The following ZNF160 variants were observed in gnomAD, a reference collection of about 807,000 sequenced individuals.
ZNF160 encodes zinc finger protein 160.
A neutral mutation model predicts 13.1 loss-of-function variants in ZNF160; 9 were observed. That is an observed-to-expected ratio of 0.69 (90% CI 0.41 to 1.20). ZNF160 has a LOEUF of 1.20. ZNF160 is among the 50% of genes most tolerant of loss of function. The pLI, the probability that ZNF160 is intolerant of heterozygous loss-of-function variation, is 0.01. For missense variants in ZNF160, 838 were observed against 988.0 expected (o/e 0.85, Z 2.04); for synonymous variants, 293 against 333.2 (o/e 0.88, Z 1.31).
intron 1 of ZNF160, among the ~76,000 whole-genome samples, chr19:53,099,739 T>A (rs2085375628): frequency 6.6e-6 from 1 of 152,186 alleles, no homozygotes; most frequent in Non-Finnish European, 1.5e-5. Flanking sequence ...GTACACCCAA[T>A]TCTGCCAAAC....
Position 53,100,465 on chromosome 19 carries a change from C to T in ZNF160, c.-354+2800G>A, listed in dbSNP as rs528987196. 1.4e-4 allele frequency among the ~76,000 whole-genome samples: 22 copies of T among 152,070 alleles called. No individual in the cohort carries two copies. The South Asian group carries it at 4.4e-3, about 30-fold the overall frequency. On this transcript the variant is annotated intron_variant, in intron 1 of 5. Transcript: ENST00000683776. ...CTCTACTAAAAATACAAAAAATTTG[C>T]CGGGCGTGGTGGCGGCTGCCTGTAG...
chr19:53,077,753 A>G (rs565650986), intron 3 of ZNF160, among the ~76,000 whole-genome samples: 1 of 151,514 alleles, frequency 6.6e-6, no homozygotes, highest in African/African-American at 2.4e-5. Flanking sequence ...GTAATACTAA[A>G]GAAGCAGATA....
In ZNF160 at chr19:53,075,196, A is replaced by G. The variant is rs368227551; in HGVS notation, c.16-13T>C. 5 of 1,612,886 alleles carry G rather than the reference A, an allele frequency of 3.1e-6. No individual in the cohort carries two copies. In the African/African-American group the frequency reaches 5.3e-5, roughly 17 times the overall value. On this transcript the variant is annotated splice_polypyrimidine_tract_variant and intron_variant, in intron 3 of 5. Transcript: ENST00000683776. Reference sequence around the variant, plus strand: ...ATGTCAACCGTACCTAAAATGAAAAACACATTTCACCAAGTGGCTAAGGGG... The same window carrying G: ...ATGTCAACCGTACCTAAAATGAAAAGCACATTTCACCAAGTGGCTAAGGGG...
chr19:53,068,270 T>A lies in ZNF160; in HGVS notation c.2264A>T (p.His755Leu). 2 of 1,614,118 alleles carry A rather than the reference T, an allele frequency of 1.2e-6. No individual in the cohort carries two copies. Among genetic ancestry groups the A allele is most frequent in the Non-Finnish European group, 1.7e-6 (2 of 1,179,980 alleles). ...NAHLANHRRI[H>L]TGEKPYRCTE... is the part of the protein sequence containing the mutation. ...ACACCTGTAAGGTTTCTCCCCAGTA[T>A]GAATTCTTCGGTGATTTGCCAGGTG... Residue 755 changes from histidine to leucine, a missense_variant, in exon 6 of 6, where the codon CAT becomes CTT. Transcript: ENST00000683776.
intron 1 of ZNF160, among the ~76,000 whole-genome samples, chr19:53,095,984 G>A (rs985186921): frequency 2.6e-5 from 4 of 152,154 alleles, no homozygotes; most frequent in Admixed American, 6.5e-5. Flanking sequence ...TTGGGAGGCC[G>A]AGGTGGGCAG....
chr19:53,069,798 G>C lies in ZNF160; in HGVS notation c.736C>G (p.Gln246Glu). 3 of 1,614,154 alleles carry C rather than the reference G, an allele frequency of 1.9e-6. 1 individual carries two copies. The highest frequency in any genetic ancestry group is 2.2e-5 in the East Asian group (1 of 44,878). The change falls in exon 6 of 6, where the codon CAA becomes GAA. Residue 246 changes from glutamine (Q) to glutamate (E), a missense_variant. Coordinates refer to ENST00000683776, the MANE Select transcript of ZNF160 (RefSeq NM_001322131.2). This position sits in a 1 kb window ranked among gnomAD's most constrained non-coding sequence, Gnocchi z 4.4. ...CCACAACTGTTTGCTTTTCGTCTTT[G>C]TGTGAGTAATGAAAAATGGTTAAGT... ...HELNHFSLLTQRRKANSCGKP... is the reference protein window; with the variant it reads ...HELNHFSLLTERRKANSCGKP...
At chr19:53,087,236 G>A (rs2084870764) in intron 2 of ZNF160, among the ~76,000 whole-genome samples, 1 of 152,192 alleles carries the variant, frequency 6.6e-6, no homozygotes, top group African/African-American at 2.4e-5. Flanking sequence ...GGGGCTGGGA[G>A]GACACAGGAA....
At chr19:53,082,631 C>T (rs78559325) in intron 3 of ZNF160, among the ~76,000 whole-genome samples, 13,653 of 152,296 alleles carry the variant, frequency 0.09, 743 homozygotes, top group South Asian at 0.14. Flanking sequence ...GATCACACGA[C>T]TGGACTCCAG....
chr19:53,090,431 T>A (rs1333397311), intron 2 of ZNF160, among the ~76,000 whole-genome samples: 1 of 152,210 alleles, frequency 6.6e-6, no homozygotes, highest in Non-Finnish European at 1.5e-5. Flanking sequence ...TTCTCACCCG[T>A]CCTTCTCACT....
In ZNF160 at chr19:53,086,269, A is replaced by G; in HGVS notation, c.8T>C (p.Leu3Pro). 6.3e-7 allele frequency: 1 copy of G among 1,590,714 alleles called. No individual in the cohort carries two copies. The highest frequency in any genetic ancestry group is 8.6e-7 in the Non-Finnish European group (1 of 1,169,366). Residue 3 changes from leucine (L) to proline (P), a missense_variant, in exon 3 of 6, where the codon CTT (leucine) becomes CCT (proline). Coordinates refer to ENST00000683776, the MANE Select transcript of ZNF160 (RefSeq NM_001322131.2). ...CCAGGAGTATCACTTTACCTGAGTA[A>G]GGGCCATCCCTGACTCCTTTTCTTT... Reference protein sequence around the residue: MALTQVRLTFRDV... With the variant: MAPTQVRLTFRDV...
At chr19:53,079,763 C>T (rs555517027) in intron 3 of ZNF160, among the ~76,000 whole-genome samples, 1 of 148,254 alleles carries the variant, frequency 6.7e-6, no homozygotes, top group African/African-American at 2.4e-5. Flanking sequence ...CTAGCCAGAG[C>T]AATCAGGCGA....
At chr19:53,077,583 C>CA (rs2084442543) in intron 3 of ZNF160, among the ~76,000 whole-genome samples, 2 of 149,844 alleles carry the variant, frequency 1.3e-5, no homozygotes, top group African/African-American at 4.9e-5. Flanking sequence ...GACAGAGAAT[C>CA]GCTTGAACCC....
chr19:53,067,904 T>C lies in ZNF160; in HGVS notation c.*173A>G, dbSNP rs931700197. The C allele has an allele frequency of 6.3e-5, 56 of 887,078 alleles. No individual in the cohort carries two copies. Among genetic ancestry groups the C allele is most frequent in the African/African-American group, 1.5e-4 (9 of 59,692 alleles). The allele number at this position is 887,078 out of a possible 1,614,324, so 55.0% of individuals were successfully genotyped here. A position where few individuals can be genotyped will look rare whatever the true frequency, so the allele number is the denominator to read the frequency against. ...TGCCTAGTAACCTGCGAGGCCTGGA[T>C]AGACCCTCTGCCACATATGTTTACA... On this transcript the variant is annotated 3_prime_UTR_variant, in exon 6 of 6. Transcript: ENST00000683776.
intron 3 of ZNF160, among the ~76,000 whole-genome samples, chr19:53,081,574 C>T (rs907107041): frequency 3.3e-5 from 5 of 152,074 alleles, no homozygotes; most frequent in South Asian, 2.1e-4. Flanking sequence ...CCATTTCATA[C>T]CAGGCATAAT....
intron 3 of ZNF160, 109 bp downstream of exon 3, chr19:53,086,153 T>G: frequency 7.3e-7 from 1 of 1,375,114 alleles, no homozygotes; most frequent in Non-Finnish European, 1.0e-6. Context: ...GGGTGAGTGC[T>G]AGCAAACATG....
intron 5 of ZNF160, chr19:53,073,650 G>T: frequency 8.4e-7 from 1 of 1,185,442 alleles, no homozygotes; most frequent in Non-Finnish European, 1.1e-6. Flanking sequence ...GACCAAGAAA[G>T]AAAGCAGTTT....
Position 53,075,109 on chromosome 19 carries a change from C to A in ZNF160, c.90G>T (p.Arg30Ser). The A allele has an allele frequency of 6.2e-7, 1 of 1,614,164 alleles. No homozygotes were observed. Among genetic ancestry groups the A allele is most frequent in the Non-Finnish European group, 8.5e-7 (1 of 1,180,020 alleles). Residue 30 changes from arginine to serine, a missense_variant, in exon 4 of 6, where the codon AGG becomes AGT. By Grantham distance (110) the Arg-to-Ser change is moderately radical. This residue lies in a region of ZNF160 where 387 missense variants were observed against 402.3 expected (regional missense o/e 0.96). Coordinates refer to ENST00000683776, the MANE Select transcript of ZNF160 (RefSeq NM_001322131.2). The stretch of plus-strand genomic sequence containing the variant: ...CCAACATCACGTCCCTGTATAAGAT[C>A]CTCTGAGCAGGGTCCAGGCATTTCC... ...EEWKCLDPAQ[R>S]ILYRDVMLEN...
At chr19:53,099,959 C>G (rs1407969161) in intron 1 of ZNF160, among the ~76,000 whole-genome samples, 2 of 152,232 alleles carry the variant, frequency 1.3e-5, no homozygotes, top group Non-Finnish European at 2.9e-5. Context: ...ATTCCAGGAT[C>G]TTCTTTCACA....
intron 2 of ZNF160, among the ~76,000 whole-genome samples, chr19:53,090,664 G>C (rs2084999793): frequency 6.6e-6 from 1 of 152,158 alleles, no homozygotes; most frequent in Non-Finnish European, 1.5e-5. Flanking sequence ...TGAGGGGGAG[G>C]CCTGCAGGAT....
Sources: allele counts gnomAD v4.1 joint callset (sites outside exome capture counted in the v4.1 genomes callset), GRCh38; gene constraint gnomAD v4.1.1; regional missense constraint gnomAD v4.1.1; non-coding constraint Gnocchi (gnomAD v3.1); transcripts MANE v1.5; gene names NCBI Gene and HGNC (gene_info 2026-07-23, HGNC 2026-07-21).